CNTN5: variants seen among roughly 807,000 people sequenced by gnomAD.
The protein encoded by CNTN5 is contactin 5.
A neutral mutation model predicts 129.1 loss-of-function variants in CNTN5; 77 were observed. The observed-to-expected ratio is 0.60, with a 90% confidence interval of 0.50 to 0.72. The LOEUF is 0.72. Among genes scored for constraint, CNTN5 ranks in the 30% least tolerant of loss-of-function variants. The probability of loss-of-function intolerance (pLI) is 0.00; values close to 1 mark genes in which losing one functional copy is unlikely to be tolerated. For synonymous variants in CNTN5, 509 were observed against 465.6 expected (o/e 1.09, Z -1.20); for missense variants, 1,478 against 1,328.8 (o/e 1.11, Z -1.75).
intron 1 of CNTN5, among the ~76,000 whole-genome samples, chr11:99,300,986 G>T (rs567861003): frequency 3.3e-5 from 5 of 151,786 alleles, no homozygotes; most frequent in Non-Finnish European, 7.4e-5. Flanking sequence ...GTGGGGAGCA[G>T]TACCTAAGGT....
At chr11:99,399,775 T>C (rs1941703362) in intron 2 of CNTN5, among the ~76,000 whole-genome samples, 1 of 151,950 alleles carries the variant, frequency 6.6e-6, no homozygotes, top group Non-Finnish European at 1.5e-5. Flanking sequence ...AAAACTTTGA[T>C]TCTCTCAGAT....
chr11:100,142,749 A>AATG (rs1946734423), intron 13 of CNTN5, among the ~76,000 whole-genome samples: 2 of 151,668 alleles, frequency 1.3e-5, no homozygotes, highest in South Asian at 4.2e-4. Context: ...TCACTGCATT[A>AATG]ATGATGTCAT....
chr11:99,435,579 T>C (rs1198415656), intron 2 of CNTN5, among the ~76,000 whole-genome samples: 1 of 152,216 alleles, frequency 6.6e-6, no homozygotes, highest in Non-Finnish European at 1.5e-5. Context: ...CAAATGGGGC[T>C]TGAAATGTAG....
chr11:100,342,392 TATC>T (rs1195713416), intron 23 of CNTN5, among the ~76,000 whole-genome samples: 1 of 152,100 alleles, frequency 6.6e-6, no homozygotes, highest in East Asian at 1.9e-4. Context: ...ACCAATCTAA[TATC>T]ATTAGAACTA....
chr11:99,194,607 TA>T (rs1858807558), intron 1 of CNTN5, among the ~76,000 whole-genome samples: 1 of 152,142 alleles, frequency 6.6e-6, no homozygotes, highest in Non-Finnish European at 1.5e-5. Context: ...CCTATTGAAT[TA>T]TTTTTTTTTC....
intron 16 of CNTN5, among the ~76,000 whole-genome samples, chr11:100,241,209 A>C (rs1949735006): frequency 6.6e-6 from 1 of 152,202 alleles, no homozygotes; most frequent in African/African-American, 2.4e-5. Flanking sequence ...ACCTATTTGT[A>C]ATTATTCGTA....
intron 1 of CNTN5, among the ~76,000 whole-genome samples, chr11:99,291,569 T>C (rs1019319321): frequency 1.3e-5 from 2 of 151,998 alleles, no homozygotes; most frequent in Non-Finnish European, 2.9e-5. Context: ...AAAATATGAT[T>C]TGTTAAAATA....
chr11:99,369,549 T>A (rs987017044), intron 2 of CNTN5, among the ~76,000 whole-genome samples: 4 of 152,002 alleles, frequency 2.6e-5, no homozygotes, highest in Admixed American at 1.3e-4. Context: ...TCAATGAATA[T>A]GTATTTGCCT....
chr11:99,071,305 C>A (rs116014123), intron 1 of CNTN5, among the ~76,000 whole-genome samples: 4,148 of 152,106 alleles, frequency 0.027, 91 homozygotes, highest in East Asian at 0.059. Context: ...TCATGTAAAA[C>A]ACACTAATGC....
intron 1 of CNTN5, among the ~76,000 whole-genome samples, chr11:99,059,041 C>T (rs1331433892): frequency 6.7e-6 from 1 of 148,370 alleles, no homozygotes; most frequent in Non-Finnish European, 1.5e-5. Flanking sequence ...CCCTCCCTCC[C>T]TCCCTCCTTC....
intron 15 of CNTN5, among the ~76,000 whole-genome samples, chr11:100,210,178 A>T (rs1225710550): frequency 2.0e-5 from 3 of 147,462 alleles, no homozygotes; most frequent in Admixed American, 6.7e-5. Context: ...TCTATACAAA[A>T]AAAAAAAAAA....
intron 3 of CNTN5, among the ~76,000 whole-genome samples, chr11:99,766,600 C>G (rs1944763650): frequency 6.6e-6 from 1 of 152,012 alleles, no homozygotes; most frequent in African/African-American, 2.4e-5. Flanking sequence ...GAGTTTGAGA[C>G]CACACTGTTT....
chr11:100,297,594 C>T (rs201770104), intron 18 of CNTN5, 31 bp from the exon 19 acceptor site: 1 of 1,560,294 alleles, frequency 6.4e-7, no homozygotes, highest in Non-Finnish European at 8.8e-7. Context: ...GAGTTTTTTT[C>T]TCCTCACTCT....
rs192253076 is a variant in CNTN5, at chr11:99,713,928, A to G, written c.56-105616A>G. 5.6e-4 allele frequency among the ~76,000 whole-genome samples: 85 copies of G among 152,126 alleles called. 1 individual carries two copies. In the East Asian group the frequency reaches 0.01, roughly 19 times the overall value. ...TTTCTGTGTTTGATAAGAGTCAGAT[A>G]TTCTTAATAGAATTCTTAGATTTCG... On this transcript the variant is annotated intron_variant, in intron 3 of 24. Transcript: ENST00000524871.
chr11:99,118,936 G>A (rs1858172566), intron 1 of CNTN5, among the ~76,000 whole-genome samples: 1 of 151,572 alleles, frequency 6.6e-6, no homozygotes, highest in Admixed American at 6.6e-5. Context: ...TTATAATTAT[G>A]TTAGATAATA....
intron 2 of CNTN5, among the ~76,000 whole-genome samples, chr11:99,431,910 C>T (rs927758497): frequency 7.9e-5 from 12 of 151,922 alleles, no homozygotes; most frequent in African/African-American, 2.9e-4. Context: ...GTATTTAAAG[C>T]AGAAACAGGG....
intron 3 of CNTN5, among the ~76,000 whole-genome samples, chr11:99,722,594 A>T (rs369856717): frequency 6.6e-6 from 1 of 152,090 alleles, no homozygotes; most frequent in East Asian, 1.9e-4. Flanking sequence ...GTTTTCCTAT[A>T]TAACCTTCAC....
intron 8 of CNTN5, among the ~76,000 whole-genome samples, chr11:99,984,159 C>T (rs1402273496): frequency 1.3e-5 from 2 of 152,020 alleles, no homozygotes; most frequent in Non-Finnish European, 2.9e-5. Flanking sequence ...TGCCTGTAGT[C>T]CCAGCTACTT....
chr11:99,483,991 G>A (rs1262263101), intron 2 of CNTN5, among the ~76,000 whole-genome samples: 1 of 152,024 alleles, frequency 6.6e-6, no homozygotes, highest in African/African-American at 2.4e-5. Context: ...TAGGACATTA[G>A]TCTGAAAAAA....
Sources: gnomAD v4.1 joint callset for allele counts (sites outside exome capture counted in the v4.1 genomes callset) on GRCh38, gnomAD v4.1.1 for gene constraint, MANE v1.5 for transcripts, NCBI Gene and HGNC (gene_info 2026-07-23, HGNC 2026-07-21) for gene names.